Variants in ABHD5 observed in about 807,000 individuals in gnomAD.
ABHD5 encodes 1-acylglycerol-3-phosphate O-acyltransferase ABHD5.
Under a neutral mutation model 44.9 loss-of-function variants are expected in ABHD5, and 30 were observed. That is an observed-to-expected ratio of 0.67 (90% CI 0.50 to 0.91). The LOEUF is 0.91. ABHD5 is among the 40% of genes least tolerant of loss of function. The pLI, the probability that ABHD5 is intolerant of heterozygous loss-of-function variation, is 0.00. For synonymous variants in ABHD5, 167 were observed against 147.0 expected (o/e 1.14, Z -0.99); for missense variants, 399 against 423.4 (o/e 0.94, Z 0.50).
In ABHD5 at chr3:43,718,562, G is replaced by C; in HGVS notation, c.*30G>C. The C allele has an allele frequency of 6.3e-7, 1 of 1,591,456 alleles. No individual in the cohort carries two copies. The highest frequency in any genetic ancestry group is 8.6e-7 in the Non-Finnish European group (1 of 1,159,342). On this transcript the variant is annotated 3_prime_UTR_variant, in exon 7 of 7. Coordinates refer to ENST00000644371, the MANE Select transcript of ABHD5 (RefSeq NM_016006.6). ...ACTGAAGCTCTGATGGGAAAACCTG[G>C]TGACTGATATAGTTGTTCAGCAATA...
intron 1 of ABHD5, among the ~76,000 whole-genome samples, chr3:43,693,233 C>T (rs988550421): frequency 2.6e-5 from 4 of 152,182 alleles, no homozygotes; most frequent in Non-Finnish European, 5.9e-5. Context: ...TGATTTGTAC[C>T]AGCAAGCCAT....
At chr3:43,731,456 C>T (rs996591466) in intron 7 of ABHD5, among the ~76,000 whole-genome samples, 3 of 152,188 alleles carry the variant, frequency 2.0e-5, no homozygotes. Flanking sequence ...TGTTCTTGAA[C>T]ATGCAAACAC....
chr3:43,724,454 T>A (rs1167115906), downstream of ABHD5, among the ~76,000 whole-genome samples: 1 of 152,188 alleles, frequency 6.6e-6, no homozygotes, highest in Non-Finnish European at 1.5e-5. Context: ...GACAGCAATT[T>A]TGTTTCCAGG....
At chr3:43,697,053 C>A (rs916511385) in intron 1 of ABHD5, among the ~76,000 whole-genome samples, 3 of 152,126 alleles carry the variant, frequency 2.0e-5, no homozygotes, top group African/African-American at 7.2e-5. Context: ...GAGCTGGTCA[C>A]TAGAAGGCAA....
In ABHD5 at chr3:43,718,536, C is replaced by T. The variant is rs1331394007; in HGVS notation, c.*4C>T. The T allele has an allele frequency of 6.2e-7, 1 of 1,613,676 alleles. No individual in the cohort carries two copies. Among genetic ancestry groups the T allele is most frequent in the African/African-American group, 1.3e-5 (1 of 75,038 alleles). On this transcript the variant is annotated 3_prime_UTR_variant, in exon 7 of 7. Coordinates refer to ENST00000644371, the MANE Select transcript of ABHD5 (RefSeq NM_016006.6). The stretch of plus-strand genomic sequence containing the variant: ...GATCTGCGACACTGTGGACTGAACA[C>T]ACTGAAGCTCTGATGGGAAAACCTG...
chr3:43,734,096 G>A (rs1697295159), exon 8 of ABHD5: 1 of 152,342 alleles, frequency 6.6e-6, no homozygotes, highest in African/African-American at 2.4e-5. Flanking sequence ...AGATGCCTTG[G>A]TGCTCTTTAC....
rs1446993210 is a variant in ABHD5 at position 43,714,933 on chromosome 3, T to C, written c.662-14T>C. ...AATTTAAAACATGCATTTTTTAAAT[T>C]TCCTGTTAAATAGGTTTAAGTCTAG... On this transcript the variant is annotated splice_polypyrimidine_tract_variant and intron_variant, in intron 4 of 6. Coordinates refer to ENST00000644371, the MANE Select transcript of ABHD5 (RefSeq NM_016006.6). The C allele has an allele frequency of 6.3e-7, 1 of 1,586,532 alleles. No individual in the cohort carries two copies. The highest frequency in any genetic ancestry group is 8.7e-7 in the Non-Finnish European group (1 of 1,155,310).
At chr3:43,727,335 TTA>T (rs2084884720), downstream of ABHD5, among the ~76,000 whole-genome samples, 1 of 152,234 alleles carries the variant, frequency 6.6e-6, no homozygotes, top group Non-Finnish European at 1.5e-5. Context: ...AGCAGGTGGG[TTA>T]GTCCCCATTG....
chr3:43,733,816 A>T (rs1302975801), intron 7 of ABHD5: 1 of 152,232 alleles, frequency 6.6e-6, no homozygotes, highest in Non-Finnish European at 1.5e-5. Flanking sequence ...TAGGTTGCTC[A>T]GAGAATGTCT....
Position 43,721,562 on chromosome 3 carries a change from C to CAACA in ABHD5, c.*3032_*3033insCAAA, listed in dbSNP as rs2084836722. ...GGCAACCTAGTAGGACTGGCTCTAC[C>CAACA]AAAAAAAAAAAAAAAAAAAAATTAA... is the stretch of plus-strand genomic sequence containing the variant. On this transcript the variant is annotated 3_prime_UTR_variant, in exon 7 of 7. Transcript: ENST00000644371. 1.2e-5 allele frequency: 1 copy of CAACA among 85,914 alleles called. No individual in the cohort carries two copies. Among genetic ancestry groups the CAACA allele is most frequent in the Non-Finnish European group, 2.5e-5 (1 of 39,748 alleles). 5.3% of individuals were successfully genotyped at this position (85,914 alleles called of 1,614,324 possible). A position where few individuals can be genotyped will look rare whatever the true frequency, so the allele number is the denominator to read the frequency against.
chr3:43,694,068 G>GAGGCCGAGGCGGGCGGATCATGAGGTCA (rs879539302), intron 1 of ABHD5, among the ~76,000 whole-genome samples: 20 of 149,800 alleles, frequency 1.3e-4, no homozygotes, highest in South Asian at 4.4e-4. Context: ...AGCACTTTGG[G>GAGGCCGAGGCGGGCGGATCATGAGGTCA]GTAACACCGT....
At chr3:43,728,371 T>C (rs915225484) in intron 7 of ABHD5, among the ~76,000 whole-genome samples, 1 of 152,230 alleles carries the variant, frequency 6.6e-6, no homozygotes. Flanking sequence ...TGGGATAAGA[T>C]TGATGAACAA....
rs2084830408 is a variant in ABHD5 at position 43,721,077 on chromosome 3, A to T, written c.*2545A>T. 6.6e-6 allele frequency: 1 copy of T among 152,226 alleles called. No homozygotes were observed. Among genetic ancestry groups the T allele is most frequent in the Admixed American group, 6.5e-5 (1 of 15,288 alleles). The allele number at this position is 152,226 out of a possible 1,614,324, so 9.4% of individuals were successfully genotyped here. A position where few individuals can be genotyped will look rare whatever the true frequency, so the allele number is the denominator to read the frequency against. On this transcript the variant is annotated 3_prime_UTR_variant, in exon 7 of 7. Transcript: ENST00000644371. ...AAGAATAAACAAAAATAGCCAGAAGATGCCTAGAAAAGAACAATGTGGAAG... is the reference window on the plus strand; with the variant it reads ...AAGAATAAACAAAAATAGCCAGAAGTTGCCTAGAAAAGAACAATGTGGAAG...
chr3:43,693,098 G>A (rs1017909084), intron 1 of ABHD5, among the ~76,000 whole-genome samples: 1 of 152,190 alleles, frequency 6.6e-6, no homozygotes, highest in Non-Finnish European at 1.5e-5. Context: ...GTAGACTTCT[G>A]TGAATTGCTT....
Position 43,718,841 on chromosome 3 carries a change from A to C in ABHD5, c.*309A>C, listed in dbSNP as rs1291697411. 87 of 311,136 alleles carry C rather than the reference A, an allele frequency of 2.8e-4. No homozygotes were observed. Among genetic ancestry groups the C allele is most frequent in the Non-Finnish European group, 7.9e-5 (13 of 164,240 alleles). The allele number at this position is 311,136 out of a possible 1,614,324, so 19.3% of individuals were successfully genotyped here. A position where few individuals can be genotyped will look rare whatever the true frequency, so the allele number is the denominator to read the frequency against. ...TAATTTTTCAGCTGAAAATTTTTTA[A>C]TCTAACTTTGCTAGTTATTTTTATA... is the stretch of plus-strand genomic sequence containing the variant. On this transcript the variant is annotated 3_prime_UTR_variant, in exon 7 of 7. Coordinates refer to ENST00000644371, the MANE Select transcript of ABHD5 (RefSeq NM_016006.6).
chr3:43,704,802 T>C (rs1454463220), intron 3 of ABHD5, among the ~76,000 whole-genome samples: 1 of 152,252 alleles, frequency 6.6e-6, no homozygotes, highest in Non-Finnish European at 1.5e-5. Flanking sequence ...TGAATGTTTG[T>C]GTCTAATGCT....
chr3:43,717,200 A>C (rs1247677284), intron 5 of ABHD5, among the ~76,000 whole-genome samples: 1 of 133,800 alleles, frequency 7.5e-6, no homozygotes, highest in African/African-American at 3.2e-5. Context: ...AACAAAAAAA[A>C]AAAATGAATA....
rs1346334549 is a variant in ABHD5 at position 43,719,428 on chromosome 3, A to G, written c.*896A>G. On this transcript the variant is annotated 3_prime_UTR_variant, in exon 7 of 7. Coordinates refer to ENST00000644371, the MANE Select transcript of ABHD5 (RefSeq NM_016006.6). ...ACTTCCTAGTAAGCCAAGTAATACC[A>G]TATTTTTATTAACATCTAACTTTTG... 1 of 152,194 alleles carries G rather than the reference A, an allele frequency of 6.6e-6. No individual in the cohort carries two copies. The highest frequency in any genetic ancestry group is 2.4e-5 in the African/African-American group (1 of 41,464). 9.4% of individuals were successfully genotyped at this position (152,194 alleles called of 1,614,324 possible).
chr3:43,711,382 C>T (rs2084686700), intron 3 of ABHD5, among the ~76,000 whole-genome samples: 1 of 152,200 alleles, frequency 6.6e-6, no homozygotes, highest in South Asian at 2.1e-4. Context: ...TGATCTACAT[C>T]ATCTGCCAGA....
Sources: allele counts gnomAD v4.1 joint callset (sites outside exome capture counted in the v4.1 genomes callset), GRCh38; gene constraint gnomAD v4.1.1; transcripts MANE v1.5; gene names NCBI Gene and HGNC (gene_info 2026-07-23, HGNC 2026-07-21).